Variants in MCF2L observed in about 807,000 individuals in gnomAD.
The protein encoded by MCF2L is guanine nucleotide exchange factor DBS.
MCF2L carries 97 observed loss-of-function variants against 153.4 expected under a neutral mutation model. That is an observed-to-expected ratio of 0.63 (90% CI 0.54 to 0.75). The LOEUF (loss-of-function observed/expected upper bound fraction) is 0.75, where lower values mean the gene tolerates loss of function less well. Among genes scored for constraint, MCF2L ranks in the 30% least tolerant of loss-of-function variants. The probability of loss-of-function intolerance (pLI) is 0.00; values close to 1 mark genes in which losing one functional copy is unlikely to be tolerated. For synonymous variants in MCF2L, 659 were observed against 632.2 expected (o/e 1.04, Z -0.64); for missense variants, 1,347 against 1,495.2 (o/e 0.90, Z 1.64).
intron 2 of MCF2L, chr13:112,917,380 G>C: frequency 8.6e-6 from 3 of 350,654 alleles, no homozygotes; most frequent in South Asian, 6.4e-5. Flanking sequence ...CCGACCTCCC[G>C]GGAAATCCTG....
intron 2 of MCF2L, among the ~76,000 whole-genome samples, chr13:112,912,154 CCT>C (rs960072053): frequency 4.6e-5 from 7 of 152,162 alleles, no homozygotes; most frequent in Middle Eastern, 3.4e-3. Context: ...GTCTCTGTCC[CCT>C]GTGTTTAGTT....
chr13:113,033,153 A>AC, intron 3 of MCF2L, among the ~76,000 whole-genome samples: 1 of 27,294 alleles, frequency 3.7e-5, no homozygotes, highest in African/African-American at 1.5e-4. Flanking sequence ...ACATTAGTGG[A>AC]CCCCGTGGCG....
intron 17 of MCF2L, 108 bp from the exon 18 acceptor site, chr13:113,083,890 C>T (rs886995533): frequency 3.3e-5 from 28 of 836,820 alleles, no homozygotes; most frequent in Non-Finnish European, 5.6e-5. Flanking sequence ...GGGCAGATTG[C>T]CCAGAGCAAG....
intron 2 of MCF2L, among the ~76,000 whole-genome samples, chr13:112,959,580 T>C (rs2081799604): frequency 6.6e-6 from 1 of 152,164 alleles, no homozygotes; most frequent in Non-Finnish European, 1.5e-5. Flanking sequence ...TCCATGGCTG[T>C]CTAGGTCTGA....
chr13:113,090,669 C>T (rs1483861612), intron 26 of MCF2L: 2 of 985,350 alleles, frequency 2.0e-6, no homozygotes, highest in African/African-American at 1.7e-5. Context: ...GCCCAGGAGG[C>T]CCTGGAAGCC....
rs1566732562 is a variant in MCF2L at position 113,011,788 on chromosome 13, GTGATGCGGACGGTGGA to G, written c.80-2974_80-2959del. Among the ~76,000 whole-genome samples, 26 of 123,840 alleles carry G rather than the reference GTGATGCGGACGGTGGA, an allele frequency of 2.1e-4. 1 individual carries two copies. The highest frequency in any genetic ancestry group is 7.1e-4 in the African/African-American group (23 of 32,382). The allele number at this position is 123,840 out of a possible 152,430, so 81.2% of individuals were successfully genotyped here. A position where few individuals can be genotyped will look rare whatever the true frequency, so the allele number is the denominator to read the frequency against. Reference sequence around the variant, plus strand: ...ACAGGCGGTGTGGACGGTGGACACTGTGATGCGGACGGTGGACAGGCGGTGTGGACGGTGGACACTG... The same window carrying G: ...ACAGGCGGTGTGGACGGTGGACACTGCAGGCGGTGTGGACGGTGGACACTG... On this transcript the variant is annotated intron_variant, in intron 1 of 29. Transcript: ENST00000535094.
In MCF2L at chr13:112,939,525, G is replaced by C. The variant is rs1211766232; in HGVS notation, c.169+37154G>C. On this transcript the variant is annotated intron_variant, in intron 2 of 29. Transcript: ENST00000375608. ...AATCCAACCACAAACATACTCTCCA[G>C]GGATGTCTTGTATTGCTGGATGTGT... is the stretch of plus-strand genomic sequence containing the variant. Among the ~76,000 whole-genome samples the C allele has an allele frequency of 3.9e-5, 6 of 152,346 alleles. 1 individual carries two copies. The South Asian group carries it at 1.0e-3, about 26-fold the overall frequency.
Position 113,045,665 on chromosome 13 carries a change from A to T in MCF2L, c.369+304A>T. ...CCAAGTCTGAGATGCTCGGGACTGA[A>T]TATGCCTCTTACATATTTATACATT... On this transcript the variant is annotated intron_variant, in intron 4 of 29. Transcript: ENST00000535094. This position sits in a 1 kb window ranked among gnomAD's most constrained non-coding sequence, Gnocchi z 4.2. The T allele has an allele frequency of 2.2e-6, 1 of 451,954 alleles. No homozygotes were observed. Among genetic ancestry groups the T allele is most frequent in the South Asian group, 3.2e-5 (1 of 31,012 alleles). 28.0% of individuals were successfully genotyped at this position (451,954 alleles called of 1,614,324 possible).
rs1594363663 is a variant in MCF2L, at chr13:112,943,975, G to C, written c.169+41604G>C. Among the ~76,000 whole-genome samples, 1 of 151,854 alleles carries C rather than the reference G, an allele frequency of 6.6e-6. No individual in the cohort carries two copies. The highest frequency in any genetic ancestry group is 2.0e-4 in the East Asian group (1 of 5,120). Reference sequence around the variant, plus strand: ...GGGCGCAGAGAGGGTCCCGGGCCGTGAGGGGAGGGTCCCGGGTGAGGGGAG... The same window carrying C: ...GGGCGCAGAGAGGGTCCCGGGCCGTCAGGGGAGGGTCCCGGGTGAGGGGAG... On this transcript the variant is annotated intron_variant, in intron 2 of 29. Transcript: ENST00000375608. This position sits in a 1 kb window ranked among gnomAD's most constrained non-coding sequence, Gnocchi z 4.2.
chr13:113,074,637 G>A lies in MCF2L; in HGVS notation c.1116+74G>A. On this transcript the variant is annotated intron_variant, in intron 10 of 29. Transcript: ENST00000535094. The surrounding 1 kb of genome is among the most constrained non-coding windows in gnomAD (Gnocchi z 4.2). ...TCAAGTGCTGCTCAGGAAGGCGCAG[G>A]AATGGGCCTCCCGCCTACGGAGAAC... is the stretch of plus-strand genomic sequence containing the variant. The A allele has an allele frequency of 6.3e-7, 1 of 1,584,020 alleles. No homozygotes were observed. Among genetic ancestry groups the A allele is most frequent in the Non-Finnish European group, 8.6e-7 (1 of 1,158,218 alleles).
chr13:113,057,629 CTGAG>C (rs1218020467), intron 4 of MCF2L, among the ~76,000 whole-genome samples: 3 of 110,934 alleles, frequency 2.7e-5, no homozygotes, highest in African/African-American at 9.8e-5. Context: ...TGTTTGGGTG[CTGAG>C]TGTTTGGGTG....
Position 112,964,068 on chromosome 13 carries a change from G to A in MCF2L, c.170-50695G>A, listed in dbSNP as rs376331860. 6.7e-5 allele frequency among the ~76,000 whole-genome samples: 10 copies of A among 148,662 alleles called. 1 individual carries two copies. Among genetic ancestry groups the A allele is most frequent in the South Asian group, 6.5e-4 (3 of 4,628 alleles). On this transcript the variant is annotated intron_variant, in intron 2 of 29. Transcript: ENST00000375608. ...ACCAGGCTGCCTGGGAGGAGACGGC[G>A]TCCACTTGCAGGTGCACTTCGGTGC...
intron 1 of MCF2L, among the ~76,000 whole-genome samples, chr13:112,984,650 C>G (rs754393131): frequency 6.6e-6 from 1 of 152,184 alleles, no homozygotes; most frequent in Non-Finnish European, 1.5e-5. Context: ...GGTGAGTGAT[C>G]TCAGCGGAAT....
chr13:112,968,262 C>T (rs2081931266), upstream of MCF2L, among the ~76,000 whole-genome samples: 1 of 151,962 alleles, frequency 6.6e-6, no homozygotes, highest in Non-Finnish European at 1.5e-5. Flanking sequence ...GCCTGAAATA[C>T]TGTTTCTTTA....
chr13:113,075,002 C>T lies in MCF2L; in HGVS notation c.1121C>T (p.Ala374Val), dbSNP rs1278390158. The change falls in exon 11 of 30, where the codon GCC becomes GTC. Residue 374 changes from alanine (A) to valine (V), a missense_variant. This residue lies in a region of MCF2L where 820 missense variants were observed against 921.2 expected (regional missense o/e 0.89). Transcript: ENST00000535094. The stretch of plus-strand genomic sequence containing the variant: ...CCTCTGGGTGGCCGTCCACAGGTGG[C>T]CGTGGAGAGGGCCCGGGCCCTGTCT... ...LASFEEKSGV[A>V]VERARALSLD... 1.1e-5 allele frequency: 17 copies of T among 1,598,206 alleles called. No homozygotes were observed. The highest frequency in any genetic ancestry group is 1.4e-5 in the Non-Finnish European group (16 of 1,168,482).
At chr13:112,913,994 T>A (rs1368506879) in intron 2 of MCF2L, among the ~76,000 whole-genome samples, 1 of 152,204 alleles carries the variant, frequency 6.6e-6, no homozygotes, top group Non-Finnish European at 1.5e-5. Flanking sequence ...TAGCGTTGCG[T>A]TGGGACGTAA....
At chr13:112,935,099 A>T (rs1212666069) in intron 2 of MCF2L, among the ~76,000 whole-genome samples, 1 of 152,224 alleles carries the variant, frequency 6.6e-6, no homozygotes, top group Non-Finnish European at 1.5e-5. Flanking sequence ...CAATGTATGT[A>T]ATCACAGATG....
chr13:113,065,780 T>G (rs1376821711), intron 7 of MCF2L, among the ~76,000 whole-genome samples: 1 of 152,168 alleles, frequency 6.6e-6, no homozygotes, highest in African/African-American at 2.4e-5. Flanking sequence ...AAGCCTGGTC[T>G]CCAGTGACTC....
At chr13:112,962,035 G>A (rs1187613717) in intron 2 of MCF2L, among the ~76,000 whole-genome samples, 6 of 148,670 alleles carry the variant, frequency 4.0e-5, no homozygotes, top group African/African-American at 5.0e-5. Context: ...ACCCAGGCAT[G>A]CACACACACA....
Sources: gnomAD v4.1 joint callset for allele counts (sites outside exome capture counted in the v4.1 genomes callset) on GRCh38, gnomAD v4.1.1 for gene constraint, gnomAD v4.1.1 regional missense constraint, Gnocchi (gnomAD v3.1) non-coding constraint, MANE v1.5 for transcripts, NCBI Gene and HGNC (gene_info 2026-07-23, HGNC 2026-07-21) for gene names.